TSHZ2: variants seen among roughly 807,000 people sequenced by gnomAD.
The protein encoded by TSHZ2 is teashirt homolog 2.
A neutral mutation model predicts 74.4 loss-of-function variants in TSHZ2; 21 were observed. That is an observed-to-expected ratio of 0.28 (90% CI 0.20 to 0.41). The LOEUF (loss-of-function observed/expected upper bound fraction) is 0.41, where lower values mean the gene tolerates loss of function less well. Among genes scored for constraint, TSHZ2 ranks in the 10% least tolerant of loss-of-function variants. The pLI, the probability that TSHZ2 is intolerant of heterozygous loss-of-function variation, is 1.00. For synonymous variants in TSHZ2, 540 were observed against 515.3 expected (o/e 1.05, Z -0.65); for missense variants, 1,244 against 1,293.5 (o/e 0.96, Z 0.59).
chr20:53,246,349 GC>G (rs1990204769), intron 1 of TSHZ2, among the ~76,000 whole-genome samples: 1 of 152,084 alleles, frequency 6.6e-6, no homozygotes. Flanking sequence ...GGTGCACTGT[GC>G]TTTTGATGTG....
Position 53,414,873 on chromosome 20 carries a change from C to G in TSHZ2, c.*9-72271C>G, listed in dbSNP as rs74812119. ...ACCTGGGTCTGCCGCCTTCCAGCCACGTGACCTAAGATAAGCCATGTCACT... is the reference window on the plus strand; with the variant it reads ...ACCTGGGTCTGCCGCCTTCCAGCCAGGTGACCTAAGATAAGCCATGTCACT... On this transcript the variant is annotated intron_variant, in intron 2 of 2. Transcript: ENST00000371497. Among the ~76,000 whole-genome samples, 598 of 152,252 alleles carry G rather than the reference C, an allele frequency of 3.9e-3. 4 individuals carry two copies. The highest frequency in any genetic ancestry group is 0.014 in the African/African-American group (586 of 41,550).
intron 2 of TSHZ2, among the ~76,000 whole-genome samples, chr20:53,336,530 T>C (rs1979954709): frequency 6.6e-6 from 1 of 152,212 alleles, no homozygotes; most frequent in Non-Finnish European, 1.5e-5. Flanking sequence ...ATTTTAGTGA[T>C]ATTAAGATGT....
chr20:53,207,495 C>T (rs1163016035), intron 1 of TSHZ2, among the ~76,000 whole-genome samples: 2 of 152,068 alleles, frequency 1.3e-5, no homozygotes, highest in African/African-American at 4.8e-5. Context: ...CCCTCAGCTG[C>T]CCATCTTGCC....
intron 1 of TSHZ2, among the ~76,000 whole-genome samples, chr20:53,120,377 T>TTA (rs1402156413): frequency 6.6e-6 from 1 of 152,182 alleles, no homozygotes; most frequent in East Asian, 1.9e-4. Flanking sequence ...TGGAAGCATT[T>TTA]TTGTCAGAGT....
At chr20:53,340,277 A>G (rs1980141086) in intron 2 of TSHZ2, among the ~76,000 whole-genome samples, 1 of 134,554 alleles carries the variant, frequency 7.4e-6, no homozygotes, top group Non-Finnish European at 1.5e-5. Context: ...CCGCCTCCCA[A>G]GTTCACGTCA....
At chr20:53,288,410 CAAA>C (rs11475652) in intron 2 of TSHZ2, among the ~76,000 whole-genome samples, 6,080 of 126,978 alleles carry the variant, frequency 0.048, 434 homozygotes, top group African/African-American at 0.16. Flanking sequence ...GACTCCGTTT[CAAA>C]AAAAAAAAAA....
rs57243805 is a variant in TSHZ2, at chr20:53,246,040, C to CTTT, written c.41-7448_41-7446dup. Among the ~76,000 whole-genome samples, 83 of 130,626 alleles carry CTTT rather than the reference C, an allele frequency of 6.4e-4. 1 individual carries two copies. The highest frequency in any genetic ancestry group is 2.1e-3 in the African/African-American group (68 of 32,318). The allele number at this position is 130,626 out of a possible 152,430, so 85.7% of individuals were successfully genotyped here. Reference sequence around the variant, plus strand: ...TGTGCTTTTCTTTCTTTCTTTCTTTCTTTTTTTTTTTTTGTTTGAGACAGA... The same window carrying CTTT: ...TGTGCTTTTCTTTCTTTCTTTCTTTCTTTTTTTTTTTTTTTTGTTTGAGACAGA... On this transcript the variant is annotated intron_variant, in intron 1 of 2. Coordinates refer to ENST00000371497, the MANE Select transcript of TSHZ2 (RefSeq NM_173485.6).
chr20:53,219,485 T>A (rs893747797), intron 1 of TSHZ2, among the ~76,000 whole-genome samples: 4 of 152,248 alleles, frequency 2.6e-5, no homozygotes, highest in African/African-American at 9.6e-5. Context: ...ATGATTGAGA[T>A]AATTATTGTT....
intron 1 of TSHZ2, among the ~76,000 whole-genome samples, chr20:53,171,021 G>T (rs1028941471): frequency 1.2e-4 from 18 of 151,194 alleles, no homozygotes; most frequent in Non-Finnish European, 2.4e-4. Context: ...CCAGCTAATA[G>T]AATTATGCAC....
At chr20:53,460,862 G>T (rs1985332264) in intron 2 of TSHZ2, among the ~76,000 whole-genome samples, 2 of 152,204 alleles carry the variant, frequency 1.3e-5, no homozygotes, top group South Asian at 4.1e-4. Flanking sequence ...GGCTGCTCGG[G>T]GGTCAGGGAC....
chr20:53,003,322 G>C (rs1022720686), intron 1 of TSHZ2, among the ~76,000 whole-genome samples: 3 of 151,026 alleles, frequency 2.0e-5, no homozygotes, highest in Non-Finnish European at 4.4e-5. Flanking sequence ...TATTAAGTCA[G>C]TGCACCTTCC....
At chr20:53,040,537 C>G (rs1414202446) in intron 1 of TSHZ2, among the ~76,000 whole-genome samples, 3 of 152,130 alleles carry the variant, frequency 2.0e-5, no homozygotes, top group Admixed American at 1.3e-4. Flanking sequence ...ACTGGGCTCT[C>G]TGAGTGCAGT....
intron 2 of TSHZ2, among the ~76,000 whole-genome samples, chr20:53,455,617 G>T (rs1417452866): frequency 6.6e-6 from 1 of 151,924 alleles, no homozygotes; most frequent in Admixed American, 6.6e-5. Flanking sequence ...CATTGTGCAG[G>T]TTAGTTACAT....
intron 1 of TSHZ2, among the ~76,000 whole-genome samples, chr20:53,129,522 A>G (rs1005454291): frequency 4.6e-5 from 7 of 152,240 alleles, no homozygotes; most frequent in African/African-American, 1.2e-4. Context: ...TAGCTATAAT[A>G]TATCAATAAG....
In TSHZ2 at chr20:53,256,675, A is replaced by G. The variant is rs1242005139; in HGVS notation, c.*8+104A>G. 6.9e-7 allele frequency: 1 copy of G among 1,445,722 alleles called. No individual in the cohort carries two copies. Among genetic ancestry groups the G allele is most frequent in the Non-Finnish European group, 9.1e-7 (1 of 1,096,210 alleles). The allele number at this position is 1,445,722 out of a possible 1,614,324, so 89.6% of individuals were successfully genotyped here. On this transcript the variant is annotated intron_variant, in intron 2 of 2. Transcript: ENST00000371497. This position sits in a 1 kb window ranked among gnomAD's most constrained non-coding sequence, Gnocchi z 4.3. ...CTAGCATCTCCCAATGCCAAGCAGG[A>G]TAGTAGCTTGCTGGAGTAGGATTTA...
In TSHZ2 at chr20:53,344,640, A is replaced by C. The variant is rs1391000714; in HGVS notation, c.*8+88069A>C. On this transcript the variant is annotated intron_variant, in intron 2 of 2. Transcript: ENST00000371497. ...CCCTAGTGGTTTATAAATGAGGGGA[A>C]AAATGGCACCAGTGACACTGTATTT... 2.0e-5 allele frequency among the ~76,000 whole-genome samples: 3 copies of C among 152,236 alleles called. No homozygotes were observed. The East Asian group carries it at 5.8e-4, about 29-fold the overall frequency.
Position 53,421,259 on chromosome 20 carries a change from G to A in TSHZ2, c.*9-65885G>A, listed in dbSNP as rs183870411. ...CGAGCCTTTAGGCCATGTCTCCTTC[G>A]AGCTATTTGCAGACAAAGTTCCAAA... is the stretch of plus-strand genomic sequence containing the variant. On this transcript the variant is annotated intron_variant, in intron 2 of 2. Transcript: ENST00000371497. The A allele has an allele frequency of 2.4e-3, 388 of 159,566 alleles. 9 individuals carry two copies. The highest frequency in any genetic ancestry group is 0.022 in the Admixed American group (344 of 15,360). 9.9% of individuals were successfully genotyped at this position (159,566 alleles called of 1,614,324 possible).
intron 1 of TSHZ2, among the ~76,000 whole-genome samples, chr20:53,117,332 A>C (rs2123340548): frequency 6.6e-6 from 1 of 152,370 alleles, no homozygotes; most frequent in South Asian, 2.1e-4. Flanking sequence ...GGAGTTAGCT[A>C]AACTAATTTA....
intron 2 of TSHZ2, among the ~76,000 whole-genome samples, chr20:53,347,914 GAGTT>G (rs1168579620): frequency 2.0e-5 from 3 of 151,984 alleles, no homozygotes; most frequent in African/African-American, 7.3e-5. Context: ...TGCCACTATC[GAGTT>G]TCAGAATATT....
Sources: allele counts gnomAD v4.1 joint callset (sites outside exome capture counted in the v4.1 genomes callset), GRCh38; gene constraint gnomAD v4.1.1; non-coding constraint Gnocchi (gnomAD v3.1); transcripts MANE v1.5; gene names NCBI Gene and HGNC (gene_info 2026-07-23, HGNC 2026-07-21).